NCOA1: variants seen among roughly 807,000 people sequenced by gnomAD.
The protein encoded by NCOA1 is Hin-2 protein.
Under a neutral mutation model 150.9 loss-of-function variants are expected in NCOA1, and 35 were observed. The observed-to-expected ratio is 0.23, with a 90% CI of 0.18 to 0.31. The LOEUF (loss-of-function observed/expected upper bound fraction) is 0.31, where lower values mean the gene tolerates loss of function less well. Among genes scored for constraint, NCOA1 ranks in the 10% least tolerant of loss-of-function variants. The probability of loss-of-function intolerance (pLI) is 1.00; values close to 1 mark genes in which losing one functional copy is unlikely to be tolerated. For synonymous variants in NCOA1, 590 were observed against 630.0 expected (o/e 0.94, Z 0.95); for missense variants, 1,491 against 1,749.3 (o/e 0.85, Z 2.63).
intron 14 of NCOA1, among the ~76,000 whole-genome samples, chr2:24,716,680 T>G (rs1674063823): frequency 2.0e-5 from 3 of 152,206 alleles, no homozygotes; most frequent in Admixed American, 6.5e-5. Context: ...AGAAAAAGAT[T>G]GATACATTAG....
chr2:24,553,771 G>A (rs1558789195), intron 1 of NCOA1, among the ~76,000 whole-genome samples: 1 of 152,080 alleles, frequency 6.6e-6, no homozygotes, highest in Non-Finnish European at 1.5e-5. Flanking sequence ...TCTGATTTTT[G>A]TATTAGGGTC....
chr2:24,711,131 C>T lies in NCOA1; in HGVS notation c.2599+20C>T, dbSNP rs752663576. The T allele has an allele frequency of 2.5e-6, 4 of 1,596,054 alleles. No individual in the cohort carries two copies. The highest frequency in any genetic ancestry group is 1.8e-5 in the Admixed American group (1 of 56,868). On this transcript the variant is annotated intron_variant, in intron 14 of 22. Coordinates refer to ENST00000348332, the MANE Select transcript of NCOA1 (RefSeq NM_003743.5). ...TAAATAGTATGTTCTGGGGACAACACCTCATTTTAAACGTTTAGTGATAAT... is the reference window on the plus strand; with the variant it reads ...TAAATAGTATGTTCTGGGGACAACATCTCATTTTAAACGTTTAGTGATAAT...
At chr2:24,689,681 A>G (rs1482720132) in intron 8 of NCOA1, among the ~76,000 whole-genome samples, 5 of 152,186 alleles carry the variant, frequency 3.3e-5, no homozygotes, top group Non-Finnish European at 7.4e-5. Flanking sequence ...GTGAGCCGCC[A>G]CGCGTGGCAC....
intron 8 of NCOA1, among the ~76,000 whole-genome samples, chr2:24,691,209 A>G (rs1672654055): frequency 1.3e-5 from 2 of 152,324 alleles, no homozygotes; most frequent in Non-Finnish European, 2.9e-5. Context: ...GTAAGTTTTA[A>G]TTTTTAATTT....
At chr2:24,666,779 C>T (rs1221435503) in intron 6 of NCOA1, among the ~76,000 whole-genome samples, 3 of 152,108 alleles carry the variant, frequency 2.0e-5, no homozygotes, top group East Asian at 1.9e-4. Flanking sequence ...ATTACAAGTG[C>T]GCGCCACTAT....
At chr2:24,500,138 C>T (rs1001304879) in intron 1 of NCOA1, among the ~76,000 whole-genome samples, 9 of 151,816 alleles carry the variant, frequency 5.9e-5, no homozygotes, top group South Asian at 4.2e-4. Flanking sequence ...GAAGGAGTTT[C>T]GCTCTTGTCG....
intron 1 of NCOA1, among the ~76,000 whole-genome samples, chr2:24,558,584 C>G (rs950111731): frequency 1.3e-4 from 20 of 152,200 alleles, no homozygotes; most frequent in Non-Finnish European, 2.9e-5. Context: ...CCCTGGGTCC[C>G]TCCCACAACA....
intron 3 of NCOA1, among the ~76,000 whole-genome samples, chr2:24,591,613 C>T (rs911115730): frequency 1.3e-5 from 2 of 151,972 alleles, no homozygotes; most frequent in East Asian, 1.9e-4. Context: ...AGAGGCCAGG[C>T]TATCTTTTAG....
At chr2:24,686,311 C>G (rs1318371308) in intron 8 of NCOA1, among the ~76,000 whole-genome samples, 2 of 152,100 alleles carry the variant, frequency 1.3e-5, no homozygotes, top group African/African-American at 4.8e-5. Context: ...CCCTGTTCTT[C>G]TTTTTTGAAT....
intron 3 of NCOA1, among the ~76,000 whole-genome samples, chr2:24,611,319 T>C (rs1450652421): frequency 6.6e-6 from 1 of 152,192 alleles, no homozygotes; most frequent in East Asian, 1.9e-4. Flanking sequence ...GTGGTATACG[T>C]GTACCACATT....
Position 24,707,105 on chromosome 2 carries a change from T to C in NCOA1, c.1635T>C (p.Asn545=). Residue 545 remains asparagine (N), a synonymous_variant, in exon 13 of 23, where the codon AAT becomes AAC. Coordinates refer to ENST00000348332, the MANE Select transcript of NCOA1 (RefSeq NM_003743.5). ...CAGTAACATCTTTACAGGGTATGAA[T>C]GAAGGACCCAATAACTCCGTTGGCT... ...NIPVTSLQGM[N]EGPNNSVGFS... is the part of the protein sequence containing the mutation. 2 of 1,614,192 alleles carry C rather than the reference T, an allele frequency of 1.2e-6. No homozygotes were observed. Among genetic ancestry groups the C allele is most frequent in the Non-Finnish European group, 1.7e-6 (2 of 1,180,026 alleles).
rs150607077 is a variant in NCOA1, at chr2:24,593,441, T to C, written c.-175+8881T>C. Among the ~76,000 whole-genome samples, 11 of 152,250 alleles carry C rather than the reference T, an allele frequency of 7.2e-5. No individual in the cohort carries two copies. The East Asian group carries it at 1.7e-3, about 24-fold the overall frequency. ...GTAGTGGGTCTTCTGGGCCTTTCTT[T>C]ATCGAAAGTCTAAACCCTGCCTGTG... is the stretch of plus-strand genomic sequence containing the variant. On this transcript the variant is annotated intron_variant, in intron 3 of 22. Coordinates refer to ENST00000348332, the MANE Select transcript of NCOA1 (RefSeq NM_003743.5).
chr2:24,691,542 G>C lies in NCOA1; in HGVS notation c.594G>C (p.Arg198Ser). Residue 198 changes from arginine (R) to serine (S), a missense_variant, in exon 9 of 23, where the codon AGG becomes AGC. By Grantham distance (110) the Arg-to-Ser change is moderately radical. This residue lies in a region of NCOA1 where 99 missense variants were observed against 122.8 expected (regional missense o/e 0.81). Coordinates refer to ENST00000348332, the MANE Select transcript of NCOA1 (RefSeq NM_003743.5). ...GAAATAGCCATACCTTTAACTGCAGGATGCTAATTCACCCTCCAGATGAGC... is the reference window on the plus strand; with the variant it reads ...GAAATAGCCATACCTTTAACTGCAGCATGCTAATTCACCCTCCAGATGAGC... ...TRRNSHTFNCRMLIHPPDEPG... is the reference protein window; with the variant it reads ...TRRNSHTFNCSMLIHPPDEPG... 1 of 1,614,148 alleles carries C rather than the reference G, an allele frequency of 6.2e-7. No homozygotes were observed. Among genetic ancestry groups the C allele is most frequent in the Non-Finnish European group, 8.5e-7 (1 of 1,180,020 alleles).
At chr2:24,628,749 G>T (rs1189610828) in intron 3 of NCOA1, among the ~76,000 whole-genome samples, 1 of 152,086 alleles carries the variant, frequency 6.6e-6, no homozygotes, top group African/African-American at 2.4e-5. Context: ...AAGGTATGAG[G>T]GATTATTCAC....
intron 3 of NCOA1, among the ~76,000 whole-genome samples, chr2:24,590,139 C>A (rs1340367625): frequency 6.6e-6 from 1 of 152,124 alleles, no homozygotes; most frequent in Admixed American, 6.6e-5. Context: ...AAAATTCTTT[C>A]TTTAATTCAT....
intron 8 of NCOA1, among the ~76,000 whole-genome samples, chr2:24,691,107 G>C (rs773504690): frequency 1.2e-4 from 18 of 152,124 alleles, no homozygotes; most frequent in Non-Finnish European, 2.4e-4. Context: ...CAATGTACCT[G>C]TGGTTTTGAA....
intron 2 of NCOA1, among the ~76,000 whole-genome samples, chr2:24,574,450 A>G (rs1572437200): frequency 6.6e-6 from 1 of 152,176 alleles, no homozygotes; most frequent in East Asian, 1.9e-4. Context: ...GGTTCAGTGC[A>G]GTAAAACTCT....
At chr2:24,498,047 T>A (rs997552307) in intron 1 of NCOA1, among the ~76,000 whole-genome samples, 1 of 152,246 alleles carries the variant, frequency 6.6e-6, no homozygotes, top group East Asian at 1.9e-4. Flanking sequence ...TATAAACATA[T>A]CACATCATAT....
At position 24,576,149 on chromosome 2, in the gene NCOA1, G is replaced by GTTTTTTTTTGTTTTTTTTTT. The variant is rs1666947727; in HGVS notation, c.-259-8318_-259-8317insGTTTTTTTTTTTTTTTTTTT. 2.8e-4 allele frequency among the ~76,000 whole-genome samples: 26 copies of GTTTTTTTTTGTTTTTTTTTT among 93,996 alleles called. 1 individual carries two copies. Among genetic ancestry groups the GTTTTTTTTTGTTTTTTTTTT allele is most frequent in the Non-Finnish European group, 4.1e-4 (20 of 48,854 alleles). The allele number at this position is 93,996 out of a possible 152,430, so 61.7% of individuals were successfully genotyped here. ...GAGTTTCAGAAATTATTTGGCCTTT[G>GTTTTTTTTTGTTTTTTTTTT]TTTTTTTTTTTTTGTTTTTTGTTTT... On this transcript the variant is annotated intron_variant, in intron 2 of 22. Transcript: ENST00000348332.
Sources: gnomAD v4.1 joint callset for allele counts (sites outside exome capture counted in the v4.1 genomes callset) on GRCh38, gnomAD v4.1.1 for gene constraint, gnomAD v4.1.1 regional missense constraint, MANE v1.5 for transcripts, NCBI Gene and HGNC (gene_info 2026-07-23, HGNC 2026-07-21) for gene names.